The following KTN1 variants were observed in gnomAD, a reference collection of about 807,000 sequenced individuals.
KTN1 encodes the protein kinectin.
A neutral mutation model predicts 222.5 loss-of-function variants in KTN1; 130 were observed. That is an observed-to-expected ratio of 0.58 (90% CI 0.51 to 0.68). The LOEUF is 0.68. Ranked by LOEUF, KTN1 falls within the 30% of genes least tolerant of loss-of-function variation. The pLI is 0.00. For missense variants in KTN1, 1,508 were observed against 1,500.4 expected, an observed-to-expected ratio of 1.01 and a Z score of -0.08; for synonymous variants, 512 against 496.3, an observed-to-expected ratio of 1.03 and a Z score of -0.42.
intron 24 of KTN1, 80 bp downstream of exon 24, chr14:55,650,717 C>T (rs970525356): frequency 4.6e-6 from 5 of 1,084,766 alleles, no homozygotes; most frequent in Non-Finnish European, 6.9e-6. Context: ...TCTTGTTACT[C>T]AGAAAAAACT....
chr14:55,581,332 C>G (rs972226231), intron 1 of KTN1, among the ~76,000 whole-genome samples: 1 of 152,220 alleles, frequency 6.6e-6, no homozygotes. Flanking sequence ...CCCTTCTTTC[C>G]TGTGGGAGGA....
chr14:55,607,757 C>T (rs1013498307), intron 1 of KTN1, among the ~76,000 whole-genome samples: 3 of 152,136 alleles, frequency 2.0e-5, no homozygotes, highest in African/African-American at 7.2e-5. Flanking sequence ...CTAGGTGGTA[C>T]ATGCCTGTAG....
At chr14:55,678,160 T>G (rs1207993723) in intron 41 of KTN1, among the ~76,000 whole-genome samples, 192 bp from the exon 42 acceptor site, 1 of 152,226 alleles carries the variant, frequency 6.6e-6, no homozygotes, top group East Asian at 1.9e-4. Context: ...CTGCATTACT[T>G]AAGCTTTTAA....
At chr14:55,675,614 A>G (rs2045826473) in intron 40 of KTN1, 4 of 380,326 alleles carry the variant, frequency 1.1e-5, no homozygotes, top group Non-Finnish European at 1.9e-5. Context: ...GCAGTTTTCT[A>G]CTCTAAACTG....
chr14:55,619,151 C>T, intron 4 of KTN1, 31 bp from the exon 5 acceptor site: 1 of 1,568,344 alleles, frequency 6.4e-7, no homozygotes, highest in African/African-American at 1.4e-5. Context: ...TAAATGCCAA[C>T]TCTTTGTTTG....
chr14:55,675,071 G>A (rs1448350689), intron 40 of KTN1: 1 of 152,126 alleles, frequency 6.6e-6, no homozygotes, highest in Non-Finnish European at 1.5e-5. Flanking sequence ...AAATGTCACT[G>A]CCTTGTCTTT....
intron 6 of KTN1, among the ~76,000 whole-genome samples, chr14:55,629,746 G>A (rs115629149): frequency 6.4e-4 from 97 of 152,316 alleles, no homozygotes; most frequent in African/African-American, 2.2e-3. Flanking sequence ...CAGTGGCAAA[G>A]TGTTTATGAA....
chr14:55,637,846 A>G lies in KTN1; in HGVS notation c.1784A>G (p.Gln595Arg), dbSNP rs1479783443. Residue 595 changes from glutamine to arginine, a missense_variant and splice_region_variant, in exon 12 of 44, where the codon CAG (glutamine) becomes CGG (arginine). Transcript: ENST00000395314. ...CAGTTCCATTCCCAGATAGCAGCCC[A>G]GGTAATGATGCTTTCTTATTGCTTA... is the stretch of plus-strand genomic sequence containing the variant. ...IQQFHSQIAA[Q>R]TSASVLAEEL... 1.2e-6 allele frequency: 2 copies of G among 1,608,570 alleles called. No homozygotes were observed. The highest frequency in any genetic ancestry group is 1.1e-5 in the South Asian group (1 of 90,576).
chr14:55,672,960 A>T lies in KTN1; in HGVS notation c.3635A>T (p.Glu1212Val). The T allele has an allele frequency of 6.2e-7, 1 of 1,613,416 alleles. No homozygotes were observed. Among genetic ancestry groups the T allele is most frequent in the Non-Finnish European group, 8.5e-7 (1 of 1,179,468 alleles). ...LRREREHLEMELEKAEMERST... is the reference protein window; with the variant it reads ...LRREREHLEMVLEKAEMERST... ...AGAGAACGAGAACATTTGGAAATGG[A>T]ACTAGAAAAGGCAGAGATGGAACGA... The change falls in exon 39 of 44, where the codon GAA (glutamate) becomes GTA (valine). Residue 1212 changes from glutamate (E) to valine (V), a missense_variant. Coordinates refer to ENST00000395314, the MANE Select transcript of KTN1 (RefSeq NM_001079521.2).
chr14:55,642,559 C>T (rs753972755), intron 18 of KTN1, among the ~76,000 whole-genome samples: 13 of 152,144 alleles, frequency 8.5e-5, no homozygotes, highest in African/African-American at 1.2e-4. Flanking sequence ...AGGAAGTTTG[C>T]GTTTGTTCCT....
At chr14:55,659,783 G>A in intron 31 of KTN1, 80 bp downstream of exon 31, 1 of 817,578 alleles carries the variant, frequency 1.2e-6, no homozygotes, top group Admixed American at 2.1e-5. Flanking sequence ...AAGCAATTTA[G>A]TGTAACTGCA....
rs10135983 is a variant in KTN1, at chr14:55,582,478, A to C, written c.-31+2124A>C. Reference sequence around the variant, plus strand: ...GATTGTCACTGTTCTTAAGTTCTTAACTTGAATGTTAAGTTATGGTTAAAA... The same window carrying C: ...GATTGTCACTGTTCTTAAGTTCTTACCTTGAATGTTAAGTTATGGTTAAAA... On this transcript the variant is annotated intron_variant, in intron 1 of 43. Transcript: ENST00000395314. Among the ~76,000 whole-genome samples the C allele has an allele frequency of 5.7e-3, 872 of 152,296 alleles. 7 individuals are homozygous for C. The highest frequency in any genetic ancestry group is 0.02 in the African/African-American group (840 of 41,568).
At chr14:55,640,318 C>G in intron 14 of KTN1, 56 bp from the exon 15 acceptor site, 1 of 1,222,216 alleles carries the variant, frequency 8.2e-7, no homozygotes, top group Non-Finnish European at 1.2e-6. Context: ...AGATGCTTTA[C>G]AAACTTTAAA....
rs1304251632 is a variant in KTN1, at chr14:55,647,169, T to G, written c.2207+162T>G. Among the ~76,000 whole-genome samples, 3 of 152,310 alleles carry G rather than the reference T, an allele frequency of 2.0e-5. No individual in the cohort carries two copies. In the East Asian group the frequency reaches 5.8e-4, roughly 29 times the overall value. ...CGTTTGTGGGTTTCACGTGTGGCAG[T>G]AATTTTACTTGTTGAGGCTAGCATA... On this transcript the variant is annotated intron_variant, in intron 19 of 43. Transcript: ENST00000395314.
intron 30 of KTN1, 127 bp downstream of exon 30, chr14:55,658,741 C>A: frequency 6.6e-6 from 4 of 601,958 alleles, no homozygotes; most frequent in Non-Finnish European, 1.2e-5. Flanking sequence ...TTATGTTTAT[C>A]AAATTTTATA....
Position 55,648,833 on chromosome 14 carries a change from AAG to A in KTN1, c.2332_2333del (p.Glu778SerfsTer7). 1 of 1,605,580 alleles carries A rather than the reference AAG, an allele frequency of 6.2e-7. No homozygotes were observed. Among genetic ancestry groups the A allele is most frequent in the Non-Finnish European group, 8.5e-7 (1 of 1,173,222 alleles). ...AGAACAGAAAATTCATCTCTGACAA[AAG>A]AAGTTCAAGACTTAAAAGCTAAGCA... On this transcript the variant is annotated frameshift_variant, in exon 21 of 44. Transcript: ENST00000395314. LOFTEE classifies it high-confidence loss of function.
intron 43 of KTN1, chr14:55,683,817 C>T (rs561395224): frequency 2.5e-4 from 82 of 326,242 alleles, no homozygotes; most frequent in Non-Finnish European, 4.2e-4. Flanking sequence ...TTTACATTCT[C>T]TTGAGTAGGA....
chr14:55,663,074 T>C (rs1029588638), intron 32 of KTN1: 2 of 428,114 alleles, frequency 4.7e-6, no homozygotes, highest in African/African-American at 4.1e-5. Flanking sequence ...TGAGCTGTGG[T>C]TTCCCTATCT....
In KTN1 at chr14:55,645,436, C is replaced by T. The variant is rs114141008; in HGVS notation, c.2173-1537C>T. Among the ~76,000 whole-genome samples, 901 of 152,132 alleles carry T rather than the reference C, an allele frequency of 5.9e-3. 8 individuals are homozygous for T. The highest frequency in any genetic ancestry group is 0.023 in the South Asian group (110 of 4,816). On this transcript the variant is annotated intron_variant, in intron 18 of 43. Coordinates refer to ENST00000395314, the MANE Select transcript of KTN1 (RefSeq NM_001079521.2). ...GTTGCAAGGATAAATGAGCATTTAGCCTAACATTTTAGAAAGAATACTCTG... is the reference window on the plus strand; with the variant it reads ...GTTGCAAGGATAAATGAGCATTTAGTCTAACATTTTAGAAAGAATACTCTG...
Sources: allele counts gnomAD v4.1 joint callset (sites outside exome capture counted in the v4.1 genomes callset), GRCh38; gene constraint gnomAD v4.1.1; transcripts MANE v1.5; gene names NCBI Gene and HGNC (gene_info 2026-07-23, HGNC 2026-07-21).